FGFR1: variants seen among roughly 807,000 people sequenced by gnomAD.
FGFR1 encodes fibroblast growth factor receptor 1, also known as FGFR1/PLAG1 fusion.
Under a neutral mutation model 93.7 loss-of-function variants are expected in FGFR1, and 18 were observed. That is an observed-to-expected ratio of 0.19 (90% confidence interval 0.13 to 0.28). FGFR1 has a LOEUF of 0.28. FGFR1 is among the 10% of genes least tolerant of loss of function. FGFR1 has a pLI of 1.00. For missense variants in FGFR1, 731 were observed against 1,080.4 expected (o/e 0.68, Z 4.53); for synonymous variants, 448 against 429.3 (o/e 1.04, Z -0.54).
chr8:38,415,493 G>A (rs1268986221), intron 13 of FGFR1, among the ~76,000 whole-genome samples: 2 of 151,196 alleles, frequency 1.3e-5, no homozygotes, highest in Non-Finnish European at 2.9e-5. Flanking sequence ...TTAAAGACGG[G>A]GTTTCAATAT....
At chr8:38,444,259 G>T (rs906737528) in intron 2 of FGFR1, among the ~76,000 whole-genome samples, 1 of 152,042 alleles carries the variant, frequency 6.6e-6, no homozygotes. Flanking sequence ...TGGACCCAGA[G>T]ACTGCTTCAT....
chr8:38,444,607 G>C (rs951838433), intron 2 of FGFR1, among the ~76,000 whole-genome samples: 1 of 142,010 alleles, frequency 7.0e-6, no homozygotes, highest in Non-Finnish European at 1.5e-5. Context: ...GGCCAGGCTG[G>C]TCTTGAACTC....
Position 38,413,116 on chromosome 8 carries a change from T to C in FGFR1, c.*512A>G. Reference sequence around the variant, plus strand: ...ATTTGGTCAGCAAAGCAAACTAGTATCGGAATTAATAAGCCACTGGCACCA... The same window carrying C: ...ATTTGGTCAGCAAAGCAAACTAGTACCGGAATTAATAAGCCACTGGCACCA... On this transcript the variant is annotated 3_prime_UTR_variant, in exon 18 of 18. Coordinates refer to ENST00000447712, the MANE Select transcript of FGFR1 (RefSeq NM_023110.3). The surrounding 1 kb of genome is among the most constrained non-coding windows in gnomAD (Gnocchi z 4.2). 1 of 239,568 alleles carries C rather than the reference T, an allele frequency of 4.2e-6. No individual in the cohort carries two copies. Among genetic ancestry groups the C allele is most frequent in the East Asian group, 6.0e-5 (1 of 16,662 alleles). 14.8% of individuals were successfully genotyped at this position (239,568 alleles called of 1,614,324 possible). A position where few individuals can be genotyped will look rare whatever the true frequency, so the allele number is the denominator to read the frequency against.
chr8:38,443,684 A>G (rs1828321544), intron 2 of FGFR1, among the ~76,000 whole-genome samples: 2 of 151,888 alleles, frequency 1.3e-5, no homozygotes, highest in Admixed American at 6.6e-5. Flanking sequence ...AAAACATTAC[A>G]TAATCAATTT....
At chr8:38,463,530 C>T (rs761675954) in intron 1 of FGFR1, 10 of 222,820 alleles carry the variant, frequency 4.5e-5, no homozygotes, top group Non-Finnish European at 8.1e-5. Flanking sequence ...GCCTCCCTAA[C>T]CTTTGCTAAC....
At chr8:38,440,819 C>A (rs1827172318) in intron 2 of FGFR1, among the ~76,000 whole-genome samples, 1 of 152,100 alleles carries the variant, frequency 6.6e-6, no homozygotes. Context: ...CATGGGGACC[C>A]CACCGGGGCT....
chr8:38,449,984 G>A (rs569274229), intron 2 of FGFR1, among the ~76,000 whole-genome samples: 1 of 152,370 alleles, frequency 6.6e-6, no homozygotes, highest in South Asian at 2.1e-4. Context: ...CACTACCGGG[G>A]AGGAGGGGTT....
At chr8:38,415,432 T>C (rs1816126542) in intron 13 of FGFR1, among the ~76,000 whole-genome samples, 2 of 151,790 alleles carry the variant, frequency 1.3e-5, no homozygotes, top group African/African-American at 4.8e-5. Context: ...TAGCTGGGAC[T>C]ATCGGCACGC....
At chr8:38,422,142 T>C in intron 7 of FGFR1, 2 of 621,638 alleles carry the variant, frequency 3.2e-6, no homozygotes, top group South Asian at 3.6e-5. Flanking sequence ...AGGGAAGAAC[T>C]CCGGCAGACC....
At chr8:38,422,001 C>G in intron 7 of FGFR1, 60 bp from the exon 8 acceptor site, 1 of 1,588,868 alleles carries the variant, frequency 6.3e-7, no homozygotes, top group East Asian at 2.2e-5. Flanking sequence ...CTAAGAGACG[C>G]AGAGCAAGGG....
chr8:38,465,814 T>G, intron 1 of FGFR1: 1 of 218,748 alleles, frequency 4.6e-6, no homozygotes, highest in Non-Finnish European at 9.2e-6. Flanking sequence ...CTAAACAGTC[T>G]CAAGGCTAGA....
intron 2 of FGFR1, among the ~76,000 whole-genome samples, chr8:38,447,908 G>A (rs752668886): frequency 1.5e-4 from 23 of 152,178 alleles, no homozygotes; most frequent in Non-Finnish European, 2.6e-4. Flanking sequence ...TACATGGACA[G>A]ATTTTATTTG....
chr8:38,446,578 A>T (rs1369984411), intron 2 of FGFR1, among the ~76,000 whole-genome samples: 1 of 151,846 alleles, frequency 6.6e-6, no homozygotes, highest in Non-Finnish European at 1.5e-5. Flanking sequence ...ACGCCCAGGT[A>T]ATTTTTTGTA....
rs760659513 is a variant in FGFR1, at chr8:38,413,887, TG to T, written c.2292+30del. 1 of 1,612,870 alleles carries T rather than the reference TG, an allele frequency of 6.2e-7. No individual in the cohort carries two copies. Among genetic ancestry groups the T allele is most frequent in the Non-Finnish European group, 8.5e-7 (1 of 1,179,034 alleles). ...GTGCGTGCACGCAGTGGGGACGGCC[TG>T]AGCTCTGGCTCTGGCACGGGCAGCC... On this transcript the variant is annotated intron_variant, in intron 17 of 17. Coordinates refer to ENST00000447712, the MANE Select transcript of FGFR1 (RefSeq NM_023110.3). The surrounding 1 kb of genome is among the most constrained non-coding windows in gnomAD (Gnocchi z 4.2).
In FGFR1 at chr8:38,429,576, G is replaced by T; in HGVS notation, c.358+106C>A. 8.2e-7 allele frequency: 1 copy of T among 1,220,668 alleles called. No homozygotes were observed. Among genetic ancestry groups the T allele is most frequent in the Non-Finnish European group, 1.2e-6 (1 of 862,444 alleles). The allele number at this position is 1,220,668 out of a possible 1,614,324, so 75.6% of individuals were successfully genotyped here. A position where few individuals can be genotyped will look rare whatever the true frequency, so the allele number is the denominator to read the frequency against. On this transcript the variant is annotated intron_variant, in intron 3 of 17. Coordinates refer to ENST00000447712, the MANE Select transcript of FGFR1 (RefSeq NM_023110.3). This position sits in a 1 kb window ranked among gnomAD's most constrained non-coding sequence, Gnocchi z 4.4. ...GGGCAGCAGTTTCTGAAGCAGAGTG[G>T]GGGCAGATCACGGAGGGGGAGGAGG...
In FGFR1 at chr8:38,428,028, T is replaced by C; in HGVS notation, c.514A>G (p.Lys172Glu). 6.2e-7 allele frequency: 1 copy of C among 1,614,258 alleles called. No individual in the cohort carries two copies. The highest frequency in any genetic ancestry group is 1.1e-5 in the South Asian group (1 of 91,082). ...EKKLHAVPAA[K>E]TVKFKCPSSG... ...GAAGGGCATTTGAACTTCACTGTCT[T>C]GGCAGCCGGCACTGCATGCAATTTC... Residue 172 changes from lysine to glutamate, a missense_variant, in exon 5 of 18, where the codon AAG becomes GAG. Coordinates refer to ENST00000447712, the MANE Select transcript of FGFR1 (RefSeq NM_023110.3).
intron 8 of FGFR1, 195 bp from the exon 9 acceptor site, chr8:38,419,930 C>T (rs1459368255): frequency 5.0e-6 from 3 of 596,644 alleles, no homozygotes; most frequent in South Asian, 4.0e-5. Flanking sequence ...AGGCTGCCTT[C>T]AATGGACTTG....
intron 2 of FGFR1, among the ~76,000 whole-genome samples, chr8:38,443,750 C>A (rs1203406439): frequency 6.6e-6 from 1 of 151,378 alleles, no homozygotes; most frequent in Non-Finnish European, 1.5e-5. Flanking sequence ...ATATATTTTA[C>A]CACAACAAAA....
At chr8:38,414,365 G>T (rs531280164) in intron 15 of FGFR1, 76 bp from the exon 16 acceptor site, 1 of 1,606,172 alleles carries the variant, frequency 6.2e-7, no homozygotes, top group Non-Finnish European at 8.5e-7. Flanking sequence ...CTCTACCCAG[G>T]GCAGTGCCAG....
Sources: allele counts gnomAD v4.1 joint callset (sites outside exome capture counted in the v4.1 genomes callset), GRCh38; gene constraint gnomAD v4.1.1; non-coding constraint Gnocchi (gnomAD v3.1); transcripts MANE v1.5; gene names NCBI Gene and HGNC (gene_info 2026-07-23, HGNC 2026-07-21).